Variants in UST observed in about 807,000 individuals in gnomAD.
UST encodes uronyl 2-sulfotransferase.
Under a neutral mutation model 45.6 loss-of-function variants are expected in UST, and 21 were observed. The observed-to-expected ratio is 0.46, with a 90% CI of 0.33 to 0.66. UST has a LOEUF of 0.66. Ranked by LOEUF, UST falls within the 30% of genes least tolerant of loss-of-function variation. The probability of loss-of-function intolerance (pLI) is 0.02; values close to 1 mark genes in which losing one functional copy is unlikely to be tolerated. For missense variants in UST, 463 were observed against 512.4 expected (o/e 0.90, Z 0.93); for synonymous variants, 215 against 200.6 (o/e 1.07, Z -0.61).
intron 1 of UST, among the ~76,000 whole-genome samples, chr6:148,843,826 G>A (rs1039447831): frequency 1.3e-5 from 2 of 152,114 alleles, no homozygotes; most frequent in South Asian, 4.1e-4. Flanking sequence ...GGTATTTATG[G>A]TTTTTGTGTT....
chr6:148,771,054 T>C (rs893386111), intron 1 of UST, among the ~76,000 whole-genome samples: 2 of 152,234 alleles, frequency 1.3e-5, no homozygotes, highest in African/African-American at 2.4e-5. Context: ...TTTCCTGTTA[T>C]GATAGCCTTC....
intron 7 of UST, among the ~76,000 whole-genome samples, chr6:149,040,603 C>T (rs1776298869): frequency 6.6e-6 from 1 of 152,124 alleles, no homozygotes; most frequent in Non-Finnish European, 1.5e-5. Flanking sequence ...TGCAGTGAGT[C>T]GAGACCATGC....
intron 1 of UST, among the ~76,000 whole-genome samples, chr6:148,862,895 G>A (rs1307614737): frequency 6.6e-6 from 1 of 151,196 alleles, no homozygotes; most frequent in Non-Finnish European, 1.5e-5. Flanking sequence ...TTCCCTTTGT[G>A]GGTAACCTGA....
chr6:148,765,122 C>G (rs1484548057), intron 1 of UST, among the ~76,000 whole-genome samples: 2 of 152,186 alleles, frequency 1.3e-5, no homozygotes, highest in Admixed American at 6.5e-5. Flanking sequence ...GGTTATCTCC[C>G]TTGTTCCCTG....
intron 7 of UST, among the ~76,000 whole-genome samples, chr6:149,056,732 C>T (rs576032674): frequency 5.1e-4 from 78 of 152,260 alleles, no homozygotes; most frequent in African/African-American, 1.8e-3. Flanking sequence ...CTACAGGTTG[C>T]CCAGATAAAG....
chr6:148,848,507 C>T (rs549682264), intron 1 of UST, among the ~76,000 whole-genome samples: 102 of 152,098 alleles, frequency 6.7e-4, no homozygotes, highest in Non-Finnish European at 1.2e-3. Flanking sequence ...CCTGTCTCTA[C>T]TAAGAATACA....
intron 1 of UST, among the ~76,000 whole-genome samples, chr6:148,845,392 G>A (rs1777968224): frequency 6.6e-6 from 1 of 151,970 alleles, no homozygotes; most frequent in Non-Finnish European, 1.5e-5. Context: ...TATTTTTGAG[G>A]TTCATCCGTG....
intron 2 of UST, among the ~76,000 whole-genome samples, chr6:148,900,048 T>C (rs1222735895): frequency 6.6e-6 from 1 of 152,342 alleles, no homozygotes; most frequent in East Asian, 1.9e-4. Flanking sequence ...GCTTATCTTT[T>C]CATTTCCTTT....
chr6:149,067,551 T>C (rs1317921670), intron 7 of UST, among the ~76,000 whole-genome samples: 1 of 152,200 alleles, frequency 6.6e-6, no homozygotes, highest in African/African-American at 2.4e-5. Context: ...CTAGCAAACA[T>C]AGGGCTGGGC....
intron 1 of UST, among the ~76,000 whole-genome samples, chr6:148,854,128 C>T (rs1460944524): frequency 6.6e-6 from 1 of 152,184 alleles, no homozygotes; most frequent in Non-Finnish European, 1.5e-5. Context: ...AATAAAATCA[C>T]TTTGATTCAG....
intron 5 of UST, among the ~76,000 whole-genome samples, chr6:148,968,413 A>C (rs1173919490): frequency 1.3e-5 from 2 of 152,254 alleles, no homozygotes; most frequent in African/African-American, 4.8e-5. Flanking sequence ...CCATACTGTG[A>C]AAAGGCAGTT....
intron 1 of UST, among the ~76,000 whole-genome samples, chr6:148,813,852 C>G (rs895737007): frequency 5.3e-5 from 8 of 152,150 alleles, no homozygotes; most frequent in South Asian, 4.2e-4. Context: ...ATTTTTGAAG[C>G]CTTTATTACA....
chr6:148,841,588 T>G (rs1036474252), intron 1 of UST, among the ~76,000 whole-genome samples: 8 of 82,566 alleles, frequency 9.7e-5, no homozygotes, highest in African/African-American at 2.5e-4. Context: ...TTTGTTTTTG[T>G]TTTTTTTTTC....
chr6:148,971,169 G>A (rs1373266549), intron 5 of UST, among the ~76,000 whole-genome samples: 1 of 152,132 alleles, frequency 6.6e-6, no homozygotes, highest in African/African-American at 2.4e-5. Context: ...CTATGCAGTG[G>A]CACCAAACCA....
chr6:148,777,992 A>G (rs1181935935), intron 1 of UST, among the ~76,000 whole-genome samples: 1 of 152,202 alleles, frequency 6.6e-6, no homozygotes, highest in East Asian at 1.9e-4. Flanking sequence ...AGTAGGCTGT[A>G]CCATCTAGGT....
At chr6:148,955,651 G>C (rs1780478466) in intron 4 of UST, 1 of 152,222 alleles carries the variant, frequency 6.6e-6, no homozygotes, top group South Asian at 2.1e-4. Context: ...TAGATAACAA[G>C]GCTTATTAGC....
intron 1 of UST, among the ~76,000 whole-genome samples, chr6:148,852,058 A>G (rs1308923052): frequency 6.6e-6 from 1 of 152,188 alleles, no homozygotes; most frequent in East Asian, 1.9e-4. Context: ...TTAGCAGCAA[A>G]AGGGATTAAG....
At chr6:149,073,736 G>A in intron 7 of UST, 97 bp from the exon 8 acceptor site, 1 of 1,421,076 alleles carries the variant, frequency 7.0e-7, no homozygotes. Context: ...GCTTCCTTAG[G>A]TGCTACCAGA....
At chr6:148,796,622 TCAAAAAAA>T (rs1447193768) in intron 1 of UST, among the ~76,000 whole-genome samples, 3 of 44,440 alleles carry the variant, frequency 6.8e-5, no homozygotes, top group African/African-American at 1.5e-4. Context: ...AGACTCTGTC[TCAAAAAAA>T]AAAAAAAAAA....
Sources: gnomAD v4.1 joint callset for allele counts (sites outside exome capture counted in the v4.1 genomes callset) on GRCh38, gnomAD v4.1.1 for gene constraint, MANE v1.5 for transcripts, NCBI Gene and HGNC (gene_info 2026-07-23, HGNC 2026-07-21) for gene names.